The following DST variants were observed in gnomAD, a reference collection of about 807,000 sequenced individuals.
DST encodes the protein dystonin, also known as bullous pemphigoid antigen.
DST carries 253 observed loss-of-function variants against 875.2 expected under a neutral mutation model. The ratio of observed to expected loss-of-function variants is 0.29; its 90% confidence interval spans 0.26 to 0.32. The LOEUF (loss-of-function observed/expected upper bound fraction) is 0.32, where lower values mean the gene tolerates loss of function less well. Among genes scored for constraint, DST ranks in the 10% least tolerant of loss-of-function variants. DST has a pLI of 1.00. For synonymous variants in DST, 3,124 were observed against 3,197.1 expected, an observed-to-expected ratio of 0.98 and a Z score of 0.77; for missense variants, 8,287 against 9,111.6, an observed-to-expected ratio of 0.91 and a Z score of 3.68.
chr6:56,618,789 G>T, intron 36 of DST: 1 of 1,614,060 alleles, frequency 6.2e-7, no homozygotes. Flanking sequence ...TCTGCTGATT[G>T]TTTGAATTTA....
At chr6:56,545,481 G>T (rs1458151743) in intron 61 of DST, among the ~76,000 whole-genome samples, 1 of 150,846 alleles carries the variant, frequency 6.6e-6, no homozygotes, top group African/African-American at 2.4e-5. Context: ...TAAAGCAGAT[G>T]ATTTCAGAAA....
At chr6:56,485,198 A>T in intron 88 of DST, 114 bp downstream of exon 88, 2 of 1,163,070 alleles carry the variant, frequency 1.7e-6, no homozygotes, top group Non-Finnish European at 2.5e-6. Flanking sequence ...AAAGACTGTT[A>T]TGTAGTATGA....
chr6:56,856,618 C>T (rs1767986442), intron 3 of DST, among the ~76,000 whole-genome samples: 1 of 152,022 alleles, frequency 6.6e-6, no homozygotes, highest in Non-Finnish European at 1.5e-5. Context: ...AGGAATTGTT[C>T]TAGATTTAAA....
At chr6:56,943,561 T>C (rs1817833941) in intron 2 of DST, among the ~76,000 whole-genome samples, 2 of 151,426 alleles carry the variant, frequency 1.3e-5, no homozygotes, top group South Asian at 4.2e-4. Flanking sequence ...GCCTCCCAAG[T>C]AGCTGGGATT....
At chr6:56,577,756 C>G (rs1244007255) in intron 50 of DST, among the ~76,000 whole-genome samples, 2 of 152,016 alleles carry the variant, frequency 1.3e-5, no homozygotes, top group Non-Finnish European at 2.9e-5. Flanking sequence ...TACACAATAA[C>G]ATTAAATATT....
chr6:56,843,490 C>G, intron 4 of DST: 1 of 989,596 alleles, frequency 1.0e-6, no homozygotes, highest in African/African-American at 1.7e-5. Flanking sequence ...GCGGCGAGGG[C>G]GGGCGGGGGC....
chr6:56,498,930 C>CT (rs891669684), intron 80 of DST, among the ~76,000 whole-genome samples: 2 of 152,064 alleles, frequency 1.3e-5, no homozygotes, highest in Non-Finnish European at 2.9e-5. Flanking sequence ...TAATGCCTTC[C>CT]TTTTATACAG....
chr6:56,857,086 A>G (rs1056710042), intron 3 of DST, among the ~76,000 whole-genome samples: 11 of 151,564 alleles, frequency 7.3e-5, no homozygotes, highest in Non-Finnish European at 1.3e-4. Context: ...ATCATAGCTC[A>G]CTGCAGCCTC....
chr6:56,503,231 G>A (rs1383557297), intron 78 of DST, among the ~76,000 whole-genome samples: 1 of 151,848 alleles, frequency 6.6e-6, no homozygotes, highest in East Asian at 1.9e-4. Flanking sequence ...GCACACCAAG[G>A]TCACTATAGT....
intron 2 of DST, among the ~76,000 whole-genome samples, chr6:56,905,528 G>A (rs62411417): frequency 0.05 from 7,672 of 152,150 alleles, 334 homozygotes; most frequent in East Asian, 0.17. Flanking sequence ...CTGTGACTGA[G>A]TTATTGCACC....
intron 50 of DST, among the ~76,000 whole-genome samples, chr6:56,577,955 T>C (rs2097900508): frequency 6.6e-6 from 1 of 152,092 alleles, no homozygotes; most frequent in Non-Finnish European, 1.5e-5. Flanking sequence ...CCCCAAATGT[T>C]GGGATTACAG....
At position 56,462,242 on chromosome 6, in the gene DST, T is replaced by C. The variant is rs147451770; in HGVS notation, c.23070+804A>G. ...TCTGATTATTTTGTACCTATGTCTGTTGTTTCACAGTGAAATTTCTTAAAA... is the reference window on the plus strand; with the variant it reads ...TCTGATTATTTTGTACCTATGTCTGCTGTTTCACAGTGAAATTTCTTAAAA... On this transcript the variant is annotated intron_variant, in intron 102 of 103. Transcript: ENST00000680361. Among the ~76,000 whole-genome samples the C allele has an allele frequency of 1.2e-4, 18 of 152,328 alleles. No homozygotes were observed. The East Asian group carries it at 2.9e-3, about 24-fold the overall frequency.
intron 72 of DST, among the ~76,000 whole-genome samples, chr6:56,514,575 G>A (rs182842553): frequency 8.8e-6 from 1 of 114,046 alleles, no homozygotes; most frequent in African/African-American, 3.2e-5. Context: ...GGGCACAGGC[G>A]TATACACACA....
chr6:56,930,885 A>G (rs1809838148), intron 2 of DST, among the ~76,000 whole-genome samples: 1 of 152,238 alleles, frequency 6.6e-6, no homozygotes, highest in Non-Finnish European at 1.5e-5. Flanking sequence ...TGCATGACAA[A>G]ATCCAAAACC....
At chr6:56,472,299 C>A (rs867982692) in intron 93 of DST, 77 bp from the exon 94 acceptor site, 2 of 1,282,146 alleles carry the variant, frequency 1.6e-6, no homozygotes, top group East Asian at 4.9e-5. Context: ...TTTTTTGCTT[C>A]TAGCTAAGAC....
chr6:56,581,940 C>T (rs1470426344), intron 49 of DST, among the ~76,000 whole-genome samples: 3 of 152,180 alleles, frequency 2.0e-5, no homozygotes, highest in South Asian at 2.1e-4. Context: ...AGATTCCATC[C>T]TAAGGCTTAT....
At chr6:56,934,248 TAAACTC>T (rs1051441167) in intron 2 of DST, among the ~76,000 whole-genome samples, 1 of 151,944 alleles carries the variant, frequency 6.6e-6, no homozygotes, top group African/African-American at 2.4e-5. Context: ...ACAACAGACT[TAAACTC>T]AAATTCTCCC....
intron 5 of DST, among the ~76,000 whole-genome samples, chr6:56,721,669 C>A (rs998045749): frequency 2.0e-5 from 3 of 152,162 alleles, no homozygotes; most frequent in African/African-American, 7.2e-5. Context: ...ATTCAAATAC[C>A]ATTTTGTTAA....
intron 9 of DST, among the ~76,000 whole-genome samples, chr6:56,678,323 G>C (rs1563630556): frequency 6.6e-6 from 1 of 152,220 alleles, no homozygotes; most frequent in Non-Finnish European, 1.5e-5. Context: ...TCTAAAAGTA[G>C]TTTCCTATTC....
Sources: gnomAD v4.1 joint callset for allele counts (sites outside exome capture counted in the v4.1 genomes callset) on GRCh38, gnomAD v4.1.1 for gene constraint, MANE v1.5 for transcripts, NCBI Gene and HGNC (gene_info 2026-07-23, HGNC 2026-07-21) for gene names.